NUDCD3: variants seen among roughly 807,000 people sequenced by gnomAD.
NUDCD3 encodes NudC domain containing 3.
A neutral mutation model predicts 39.7 loss-of-function variants in NUDCD3; 13 were observed. The ratio of observed to expected loss-of-function variants is 0.33; its 90% CI spans 0.21 to 0.52. The LOEUF is 0.52. Ranked by LOEUF, NUDCD3 falls within the 20% of genes least tolerant of loss-of-function variation. The pLI is 0.96. For synonymous variants in NUDCD3, 175 were observed against 172.4 expected, an observed-to-expected ratio of 1.02 and a Z score of -0.12; for missense variants, 453 against 458.1, an observed-to-expected ratio of 0.99 and a Z score of 0.10.
intron 2 of NUDCD3, among the ~76,000 whole-genome samples, chr7:44,435,466 G>A (rs1250093997): frequency 3.3e-5 from 5 of 152,172 alleles, no homozygotes; most frequent in East Asian, 1.9e-4. Context: ...ACTGAAGCAC[G>A]TAGCATATGA....
At chr7:44,400,648 C>G (rs1219670875) in intron 4 of NUDCD3, among the ~76,000 whole-genome samples, 3 of 152,338 alleles carry the variant, frequency 2.0e-5, no homozygotes, top group Middle Eastern at 3.4e-3. Flanking sequence ...ACTCTGAAAT[C>G]AAGGTGTCAG....
At chr7:44,451,807 G>A (rs1799798227) in intron 2 of NUDCD3, among the ~76,000 whole-genome samples, 1 of 152,170 alleles carries the variant, frequency 6.6e-6, no homozygotes. Context: ...AAGTTGAAAA[G>A]AAGGTGGGCA....
chr7:44,402,696 GA>G (rs1435667345), intron 4 of NUDCD3: 1 of 456,600 alleles, frequency 2.2e-6, no homozygotes, highest in Non-Finnish European at 4.4e-6. Context: ...CCTGCTCCAT[GA>G]TCTGCACTGA....
intron 2 of NUDCD3, among the ~76,000 whole-genome samples, chr7:44,460,565 A>C (rs907351955): frequency 9.2e-5 from 14 of 152,040 alleles, no homozygotes; most frequent in African/African-American, 3.1e-4. Flanking sequence ...CCAACACCAA[A>C]ACTAGACTAA....
At chr7:44,386,713 A>C (rs1798408971) in intron 5 of NUDCD3, among the ~76,000 whole-genome samples, 1 of 152,164 alleles carries the variant, frequency 6.6e-6, no homozygotes, top group Non-Finnish European at 1.5e-5. Flanking sequence ...GGAATTCCCC[A>C]CTGCATCCTT....
intron 3 of NUDCD3, among the ~76,000 whole-genome samples, chr7:44,413,716 A>C (rs1251685811): frequency 2.0e-5 from 3 of 152,252 alleles, no homozygotes; most frequent in Non-Finnish European, 4.4e-5. Flanking sequence ...TATGTAAGTT[A>C]GTATAACCCC....
intron 3 of NUDCD3, among the ~76,000 whole-genome samples, chr7:44,426,497 T>TA (rs749057283): frequency 7.9e-5 from 12 of 151,888 alleles, no homozygotes; most frequent in Non-Finnish European, 1.3e-4. Flanking sequence ...ATGGAGGAAA[T>TA]AAAAAAATAG....
At chr7:44,411,918 C>T (rs1327756079) in intron 3 of NUDCD3, among the ~76,000 whole-genome samples, 1 of 152,208 alleles carries the variant, frequency 6.6e-6, no homozygotes, top group African/African-American at 2.4e-5. Flanking sequence ...ACAGAGACGC[C>T]TCTTTCTAGC....
intron 3 of NUDCD3, among the ~76,000 whole-genome samples, chr7:44,422,432 C>T (rs1037825221): frequency 2.6e-5 from 4 of 151,712 alleles, no homozygotes; most frequent in Admixed American, 1.3e-4. Context: ...CAAATATACA[C>T]AATAAAAAAT....
At chr7:44,418,140 C>T (rs1384588645) in intron 3 of NUDCD3, among the ~76,000 whole-genome samples, 1 of 152,056 alleles carries the variant, frequency 6.6e-6, no homozygotes, top group African/African-American at 2.4e-5. Context: ...GTCATGGAGT[C>T]GGAAGGCACA....
Position 44,481,921 on chromosome 7 carries a change from A to G in NUDCD3, c.509+3047T>C, listed in dbSNP as rs140093544. Among the ~76,000 whole-genome samples, 647 of 152,294 alleles carry G rather than the reference A, an allele frequency of 4.2e-3. 7 individuals carry two copies. The highest frequency in any genetic ancestry group is 0.015 in the African/African-American group (616 of 41,576). On this transcript the variant is annotated intron_variant, in intron 2 of 5. Coordinates refer to ENST00000355451, the MANE Select transcript of NUDCD3 (RefSeq NM_015332.4). ...CACCATTTGAGGACACAGCAAGGTA[A>G]CTACGAATCAGAATGTGGGCCCTCA...
intron 3 of NUDCD3, among the ~76,000 whole-genome samples, chr7:44,419,463 A>G (rs1459974642): frequency 6.6e-6 from 1 of 152,214 alleles, no homozygotes; most frequent in African/African-American, 2.4e-5. Context: ...AGATCCTGAC[A>G]AGGAGGATTC....
intron 2 of NUDCD3, among the ~76,000 whole-genome samples, chr7:44,459,254 A>G (rs1350405032): frequency 6.7e-6 from 1 of 149,340 alleles, no homozygotes; most frequent in African/African-American, 2.5e-5. Context: ...GGCTGAGTGC[A>G]GTGGCACGAT....
At chr7:44,415,507 G>A (rs189429830) in intron 3 of NUDCD3, among the ~76,000 whole-genome samples, 4 of 152,232 alleles carry the variant, frequency 2.6e-5, no homozygotes, top group Admixed American at 6.5e-5. Context: ...TAAATGTTAC[G>A]ATGTAAAATA....
At position 44,380,712 on chromosome 7, in the gene NUDCD3, G is replaced by T. The variant is rs1381212764; in HGVS notation, c.*5299C>A. Reference sequence around the variant, plus strand: ...AGCAGTCCCACTAGGGACCACCACTGGGGTCACAAGATGGCCTTGATCCCC... The same window carrying T: ...AGCAGTCCCACTAGGGACCACCACTTGGGTCACAAGATGGCCTTGATCCCC... On this transcript the variant is annotated 3_prime_UTR_variant, in exon 6 of 6. Transcript: ENST00000355451. The T allele has an allele frequency of 2.0e-5, 3 of 152,242 alleles. No homozygotes were observed. The highest frequency in any genetic ancestry group is 4.4e-5 in the Non-Finnish European group (3 of 68,072). The allele number at this position is 152,242 out of a possible 1,614,324, so 9.4% of individuals were successfully genotyped here. A position where few individuals can be genotyped will look rare whatever the true frequency, so the allele number is the denominator to read the frequency against.
At chr7:44,470,942 C>T (rs1800243530) in intron 2 of NUDCD3, among the ~76,000 whole-genome samples, 2 of 152,188 alleles carry the variant, frequency 1.3e-5, no homozygotes, top group Admixed American at 6.5e-5. Flanking sequence ...TGAAGAGTGG[C>T]ATTCATGAGA....
intron 2 of NUDCD3, among the ~76,000 whole-genome samples, chr7:44,482,982 C>T (rs1585109991): frequency 6.6e-6 from 1 of 152,162 alleles, no homozygotes; most frequent in Middle Eastern, 3.4e-3. Flanking sequence ...ACAGATTAGA[C>T]ACCAAAGGAG....
intron 2 of NUDCD3, among the ~76,000 whole-genome samples, chr7:44,458,975 T>G: frequency 7.1e-6 from 1 of 141,578 alleles, no homozygotes; most frequent in Admixed American, 6.9e-5. Flanking sequence ...TGTGTGTGTG[T>G]GTGTGGTGAT....
chr7:44,406,352 G>A (rs1188340589), intron 3 of NUDCD3, among the ~76,000 whole-genome samples: 1 of 152,218 alleles, frequency 6.6e-6, no homozygotes, highest in Admixed American at 6.5e-5. Context: ...AGGCAACTGA[G>A]CTTCACTCCC....
Sources: gnomAD v4.1 joint callset for allele counts (sites outside exome capture counted in the v4.1 genomes callset) on GRCh38, gnomAD v4.1.1 for gene constraint, MANE v1.5 for transcripts, NCBI Gene and HGNC (gene_info 2026-07-23, HGNC 2026-07-21) for gene names.